Variants in COX7B2 observed in about 807,000 individuals in gnomAD.
The protein encoded by COX7B2 is cytochrome c oxidase subunit 7B2, mitochondrial.
For synonymous variants in COX7B2, 37 were observed against 32.1 expected (o/e 1.15, Z -0.51); for missense variants, 109 against 95.9 (o/e 1.14, Z -0.57).
chr4:46,875,051 G>A (rs1389974800), intron 1 of COX7B2, among the ~76,000 whole-genome samples: 1 of 152,068 alleles, frequency 6.6e-6, no homozygotes, highest in African/African-American at 2.4e-5. Flanking sequence ...TAATAAGGCT[G>A]CATAACTTAT....
chr4:46,741,302 G>T (rs1297713525), intron 2 of COX7B2, among the ~76,000 whole-genome samples: 1 of 152,062 alleles, frequency 6.6e-6, no homozygotes, highest in Admixed American at 6.6e-5. Context: ...ATTTTGGTAT[G>T]AATAATTCTT....
intron 2 of COX7B2, among the ~76,000 whole-genome samples, chr4:46,749,213 C>A (rs2109424482): frequency 6.6e-6 from 1 of 152,224 alleles, no homozygotes; most frequent in South Asian, 2.1e-4. Flanking sequence ...AGAAATAATT[C>A]TTGATGCCTT....
chr4:46,849,729 C>A (rs1716540902), intron 1 of COX7B2, among the ~76,000 whole-genome samples: 1 of 151,918 alleles, frequency 6.6e-6, no homozygotes, highest in Admixed American at 6.6e-5. Context: ...GGTACATGTG[C>A]ACAACGTGCA....
intron 2 of COX7B2, among the ~76,000 whole-genome samples, chr4:46,738,294 A>G (rs1714487308): frequency 6.6e-6 from 1 of 152,110 alleles, no homozygotes; most frequent in Admixed American, 6.6e-5. Context: ...GACATTGATC[A>G]CATTTCTTAG....
chr4:46,802,737 A>C (rs886353972), intron 2 of COX7B2, among the ~76,000 whole-genome samples: 1 of 152,130 alleles, frequency 6.6e-6, no homozygotes. Flanking sequence ...TGTCTCATGC[A>C]TTGGTTATTT....
At chr4:46,889,042 G>A (rs922227070) in intron 1 of COX7B2, among the ~76,000 whole-genome samples, 5 of 152,150 alleles carry the variant, frequency 3.3e-5, no homozygotes, top group African/African-American at 1.2e-4. Context: ...TTTCCATGAT[G>A]TGAGTATTAT....
At chr4:46,765,990 G>A (rs1424754805) in intron 2 of COX7B2, among the ~76,000 whole-genome samples, 2 of 152,030 alleles carry the variant, frequency 1.3e-5, no homozygotes, top group African/African-American at 4.8e-5. Flanking sequence ...GCCTGCCCAT[G>A]TGGATGCAAA....
At chr4:46,831,353 G>A (rs934974468) in intron 2 of COX7B2, among the ~76,000 whole-genome samples, 36 of 152,182 alleles carry the variant, frequency 2.4e-4, no homozygotes, top group Admixed American at 1.5e-3. Context: ...GCTCCTGTGC[G>A]GCCCGAGCCT....
chr4:46,791,774 C>T (rs143575054), intron 2 of COX7B2, among the ~76,000 whole-genome samples: 1 of 152,316 alleles, frequency 6.6e-6, no homozygotes, highest in Non-Finnish European at 1.5e-5. Context: ...GCACTCAAAT[C>T]CAAGCAGTCC....
intron 1 of COX7B2, among the ~76,000 whole-genome samples, chr4:46,893,265 C>G (rs1577707368): frequency 6.6e-6 from 1 of 152,152 alleles, no homozygotes; most frequent in African/African-American, 2.4e-5. Flanking sequence ...GTCTTTCCAA[C>G]TTACTTGGCT....
At chr4:46,872,934 C>T (rs1718087128) in intron 1 of COX7B2, among the ~76,000 whole-genome samples, 2 of 151,996 alleles carry the variant, frequency 1.3e-5, no homozygotes, top group Admixed American at 6.6e-5. Context: ...CAACCTGTCA[C>T]CTACATTAGG....
chr4:46,876,437 G>A (rs1449909507), intron 1 of COX7B2, among the ~76,000 whole-genome samples: 3 of 130,022 alleles, frequency 2.3e-5, no homozygotes, highest in African/African-American at 8.9e-5. Flanking sequence ...AAGGAGTCTC[G>A]CTATGTCGCC....
At chr4:46,801,703 TC>T in intron 2 of COX7B2, among the ~76,000 whole-genome samples, 1 of 152,154 alleles carries the variant, frequency 6.6e-6, no homozygotes, top group South Asian at 2.1e-4. Context: ...TGCACATGTA[TC>T]CCCTGAACCT....
At chr4:46,856,042 G>A (rs1402402502) in intron 1 of COX7B2, among the ~76,000 whole-genome samples, 1 of 151,978 alleles carries the variant, frequency 6.6e-6, no homozygotes, top group East Asian at 1.9e-4. Context: ...TCAGGAGTTC[G>A]AGATCAGCTT....
At chr4:46,738,775 G>C (rs960161738) in intron 2 of COX7B2, among the ~76,000 whole-genome samples, 5 of 151,938 alleles carry the variant, frequency 3.3e-5, no homozygotes, top group South Asian at 4.1e-4. Context: ...GACAAAAATA[G>C]ACTACAAAAA....
chr4:46,892,821 T>C (rs930424276), intron 1 of COX7B2, among the ~76,000 whole-genome samples: 1 of 152,196 alleles, frequency 6.6e-6, no homozygotes, highest in Middle Eastern at 3.2e-3. Context: ...TCTTGAGTTG[T>C]AGTTCCCATA....
rs1471269944 is a variant in COX7B2, at chr4:46,797,207, AAGGGATC to A, written c.-50+47746_-50+47752del. On this transcript the variant is annotated intron_variant, in intron 2 of 2. Transcript: ENST00000355591. ...TTCATCTTTCTCCCAGTCTTTCCCA[AAGGGATC>A]TATAGCCCTTTGCCAGAATAACTGT... Among the ~76,000 whole-genome samples the A allele has an allele frequency of 1.7e-4, 26 of 151,472 alleles. 1 individual carries two copies. The highest frequency in any genetic ancestry group is 6.3e-4 in the African/African-American group (26 of 41,320).
At chr4:46,814,091 T>C (rs1308108705) in intron 2 of COX7B2, among the ~76,000 whole-genome samples, 2 of 152,146 alleles carry the variant, frequency 1.3e-5, no homozygotes, top group African/African-American at 2.4e-5. Context: ...GTAACCATTA[T>C]GGAAAATAGC....
intron 1 of COX7B2, among the ~76,000 whole-genome samples, chr4:46,850,189 T>C (rs1324079294): frequency 1.3e-5 from 2 of 149,964 alleles, no homozygotes; most frequent in Non-Finnish European, 2.9e-5. Context: ...TTTAAAATGA[T>C]TTAATTTTAA....
Sources: gnomAD v4.1 joint callset for allele counts (sites outside exome capture counted in the v4.1 genomes callset) on GRCh38, gnomAD v4.1.1 for gene constraint, MANE v1.5 for transcripts, NCBI Gene and HGNC (gene_info 2026-07-23, HGNC 2026-07-21) for gene names.